The following EXOC4 variants were observed in gnomAD, a reference collection of about 807,000 sequenced individuals.
EXOC4 encodes the protein SEC8-like 1.
In EXOC4, 71 loss-of-function variants were observed where a neutral mutation model predicts 107.2. The ratio of observed to expected loss-of-function variants is 0.66; its 90% confidence interval spans 0.55 to 0.81. EXOC4 has a LOEUF of 0.81. Among genes scored for constraint, EXOC4 ranks in the 30% least tolerant of loss-of-function variants. EXOC4 has a pLI of 0.00. For synonymous variants in EXOC4, 456 were observed against 441.2 expected, an observed-to-expected ratio of 1.03 and a Z score of -0.42; for missense variants, 1,108 against 1,189.6, an observed-to-expected ratio of 0.93 and a Z score of 1.01.
At chr7:133,481,444 A>G (rs768336126) in intron 9 of EXOC4, among the ~76,000 whole-genome samples, 1 of 152,186 alleles carries the variant, frequency 6.6e-6, no homozygotes, top group Non-Finnish European at 1.5e-5. Flanking sequence ...GGCCTGTGTA[A>G]TTAAATATTT....
intron 9 of EXOC4, among the ~76,000 whole-genome samples, chr7:133,629,130 TA>T (rs369186330): frequency 4.6e-5 from 7 of 152,332 alleles, no homozygotes; most frequent in African/African-American, 1.4e-4. Context: ...ACCATTTGTT[TA>T]TGTAAAAAGC....
intron 10 of EXOC4, among the ~76,000 whole-genome samples, chr7:133,814,277 T>G (rs1335974619): frequency 6.6e-6 from 1 of 152,174 alleles, no homozygotes; most frequent in Non-Finnish European, 1.5e-5. Context: ...AACCGTAGAT[T>G]GATCTGAGCT....
intron 9 of EXOC4, chr7:133,576,937 T>A: frequency 8.9e-7 from 1 of 1,128,490 alleles, no homozygotes; most frequent in Non-Finnish European, 1.2e-6. Context: ...ATTCACTGCA[T>A]GTGTGTATGT....
At chr7:133,964,460 T>A (rs1209267852) in intron 14 of EXOC4, among the ~76,000 whole-genome samples, 2 of 152,108 alleles carry the variant, frequency 1.3e-5, no homozygotes, top group African/African-American at 4.8e-5. Context: ...GTATTTCTCC[T>A]AATGCTCTCC....
chr7:133,865,909 C>T (rs959467373), intron 11 of EXOC4, among the ~76,000 whole-genome samples: 3 of 152,158 alleles, frequency 2.0e-5, no homozygotes, highest in African/African-American at 7.2e-5. Flanking sequence ...AGAGCCAAAT[C>T]ATATCATCAA....
chr7:133,312,100 A>G (rs1368370353), intron 4 of EXOC4, among the ~76,000 whole-genome samples: 1 of 152,186 alleles, frequency 6.6e-6, no homozygotes, highest in East Asian at 1.9e-4. Flanking sequence ...AAATATATGT[A>G]ACAAGATATT....
chr7:133,292,417 T>C (rs1052187474), intron 3 of EXOC4, among the ~76,000 whole-genome samples: 3 of 152,244 alleles, frequency 2.0e-5, no homozygotes, highest in African/African-American at 4.8e-5. Context: ...AGGTATCATA[T>C]GTATTTTGTT....
At chr7:133,606,514 A>ATTTT (rs1412133574) in intron 9 of EXOC4, among the ~76,000 whole-genome samples, 12 of 142,874 alleles carry the variant, frequency 8.4e-5, no homozygotes, top group African/African-American at 2.1e-4. Context: ...TATTATTATT[A>ATTTT]TTATTTTTTT....
Position 133,871,871 on chromosome 7 carries a change from T to A in EXOC4, c.1735-23728T>A, listed in dbSNP as rs139143205. ...AGCATAGTTATGAGGACCAAATGAG[T>A]TAATAATTTTAAAAGCACCTACAAT... is the stretch of plus-strand genomic sequence containing the variant. On this transcript the variant is annotated intron_variant, in intron 11 of 17. Coordinates refer to ENST00000253861, the MANE Select transcript of EXOC4 (RefSeq NM_021807.4). 2.4e-3 allele frequency among the ~76,000 whole-genome samples: 366 copies of A among 152,278 alleles called. 5 individuals carry two copies. The highest frequency in any genetic ancestry group is 8.2e-3 in the African/African-American group (342 of 41,542).
At chr7:133,542,169 T>TTTTG (rs1554469866) in intron 9 of EXOC4, among the ~76,000 whole-genome samples, 2 of 147,058 alleles carry the variant, frequency 1.4e-5, no homozygotes, top group Admixed American at 6.8e-5. Context: ...AAATTTTATC[T>TTTTG]TGTGTGTGTG....
In EXOC4 at chr7:133,316,018, T is replaced by G. The variant is rs566484799; in HGVS notation, c.657-1266T>G. ...GCCTAGGACAGTGGCTCCTACATTA[T>G]TTGTACTCAGTGAAAAGAATAAAAC... On this transcript the variant is annotated intron_variant, in intron 4 of 17. Transcript: ENST00000253861. Among the ~76,000 whole-genome samples the G allele has an allele frequency of 2.1e-4, 32 of 152,332 alleles. 1 individual carries two copies. The highest frequency in any genetic ancestry group is 3.3e-4 in the Admixed American group (5 of 15,302).
chr7:133,407,835 A>G (rs912622262), intron 7 of EXOC4, among the ~76,000 whole-genome samples: 2 of 152,236 alleles, frequency 1.3e-5, no homozygotes, highest in Non-Finnish European at 2.9e-5. Flanking sequence ...CTAGATTTCT[A>G]GATGCACACC....
intron 1 of EXOC4, among the ~76,000 whole-genome samples, chr7:133,262,422 T>G (rs1795176192): frequency 6.6e-6 from 1 of 152,084 alleles, no homozygotes; most frequent in Admixed American, 6.6e-5. Context: ...GTGTACAGTT[T>G]AACAGGAAGT....
intron 14 of EXOC4, among the ~76,000 whole-genome samples, chr7:133,972,098 C>G (rs543694795): frequency 1.3e-5 from 2 of 152,360 alleles, no homozygotes; most frequent in South Asian, 4.1e-4. Context: ...CAGCCACTTT[C>G]TGAGCTAATT....
At chr7:133,690,916 A>G (rs1158074962) in intron 10 of EXOC4, among the ~76,000 whole-genome samples, 1 of 151,246 alleles carries the variant, frequency 6.6e-6, no homozygotes, top group African/African-American at 2.4e-5. Context: ...CCAGGTGCCG[A>G]CTCCTCATCT....
chr7:133,415,149 G>C (rs1198499673), intron 7 of EXOC4, among the ~76,000 whole-genome samples: 1 of 151,206 alleles, frequency 6.6e-6, no homozygotes, highest in Non-Finnish European at 1.5e-5. Flanking sequence ...TCATTGTATA[G>C]ATATACCACA....
intron 11 of EXOC4, 43 bp downstream of exon 11, chr7:133,817,587 C>A: frequency 1.4e-6 from 2 of 1,402,892 alleles, no homozygotes; most frequent in Non-Finnish European, 2.0e-6. Flanking sequence ...CAGCAATTTT[C>A]ATTGACTTGG....
At chr7:133,839,787 G>A (rs1797988183) in intron 11 of EXOC4, among the ~76,000 whole-genome samples, 1 of 152,070 alleles carries the variant, frequency 6.6e-6, no homozygotes, top group South Asian at 2.1e-4. Context: ...TCCTTTCTTT[G>A]AAGTTCTAAG....
intron 10 of EXOC4, among the ~76,000 whole-genome samples, chr7:133,649,426 T>C (rs1435956354): frequency 3.3e-5 from 5 of 151,378 alleles, no homozygotes; most frequent in African/African-American, 1.2e-4. Context: ...CTGTAACATA[T>C]TCTGCCAGAC....
Sources: gnomAD v4.1 joint callset for allele counts (sites outside exome capture counted in the v4.1 genomes callset) on GRCh38, gnomAD v4.1.1 for gene constraint, MANE v1.5 for transcripts, NCBI Gene and HGNC (gene_info 2026-07-23, HGNC 2026-07-21) for gene names.